TMPRSS13: variants seen among roughly 807,000 people sequenced by gnomAD.
The protein encoded by TMPRSS13 is transmembrane serine protease 13.
In TMPRSS13, 50 loss-of-function variants were observed where a neutral mutation model predicts 68.4. The observed-to-expected ratio is 0.73, with a 90% CI of 0.58 to 0.93. The LOEUF (loss-of-function observed/expected upper bound fraction) is 0.93, where lower values mean the gene tolerates loss of function less well. TMPRSS13 is among the 40% of genes least tolerant of loss of function. The probability of loss-of-function intolerance (pLI) is 0.00; values close to 1 mark genes in which losing one functional copy is unlikely to be tolerated. For synonymous variants in TMPRSS13, 267 were observed against 285.8 expected (o/e 0.93, Z 0.66); for missense variants, 615 against 729.2 (o/e 0.84, Z 1.80).
Position 117,922,983 on chromosome 11 carries a change from G to T in TMPRSS13, c.22-4145C>A, listed in dbSNP as rs545925017. Reference sequence around the variant, plus strand: ...AAGGCTTGTTCAGGGCCCTCCAGACGTGTTGGGGCAGGAAGGCAGGGCAGG... The same window carrying T: ...AAGGCTTGTTCAGGGCCCTCCAGACTTGTTGGGGCAGGAAGGCAGGGCAGG... On this transcript the variant is annotated intron_variant, in intron 1 of 12. Coordinates refer to ENST00000524993, the MANE Select transcript of TMPRSS13 (RefSeq NM_001077263.3). This position sits in a 1 kb window ranked among gnomAD's most constrained non-coding sequence, Gnocchi z 4.2. 6.6e-6 allele frequency among the ~76,000 whole-genome samples: 1 copy of T among 152,248 alleles called. No individual in the cohort carries two copies. The highest frequency in any genetic ancestry group is 1.5e-5 in the Non-Finnish European group (1 of 68,042).
chr11:117,907,228 G>T (rs1279138969), intron 9 of TMPRSS13, among the ~76,000 whole-genome samples: 2 of 152,148 alleles, frequency 1.3e-5, no homozygotes, highest in South Asian at 4.1e-4. Flanking sequence ...CTTGTGTGCT[G>T]AGCGGCAGGG....
At chr11:117,923,414 C>T (rs2057666954) in intron 1 of TMPRSS13, among the ~76,000 whole-genome samples, 1 of 142,000 alleles carries the variant, frequency 7.0e-6, no homozygotes, top group Non-Finnish European at 1.5e-5. Context: ...CTTCTGGGGG[C>T]CCAGCCAGTG....
chr11:117,924,467 T>G (rs893219083), intron 1 of TMPRSS13, among the ~76,000 whole-genome samples: 4 of 152,062 alleles, frequency 2.6e-5, no homozygotes, highest in African/African-American at 9.7e-5. Context: ...AGGGCGCCCA[T>G]AGGGTGGGCA....
intron 2 of TMPRSS13, 104 bp from the exon 3 acceptor site, chr11:117,917,378 A>G: frequency 1.3e-6 from 1 of 763,890 alleles, no homozygotes. Flanking sequence ...CCCCGTGAGG[A>G]CCACTCCACC....
Position 117,915,243 on chromosome 11 carries a change from C to G in TMPRSS13, c.557-729G>C, listed in dbSNP as rs2057565394. ...TCTCTAACAGCAATCTCTTTCCAAA[C>G]CAGGGGCTGTGGGCCCTCCTGCCTG... On this transcript the variant is annotated intron_variant, in intron 3 of 12. Transcript: ENST00000524993. The surrounding 1 kb of genome is among the most constrained non-coding windows in gnomAD (Gnocchi z 4.9). 6.6e-6 allele frequency among the ~76,000 whole-genome samples: 1 copy of G among 152,224 alleles called. No homozygotes were observed. Among genetic ancestry groups the G allele is most frequent in the African/African-American group, 2.4e-5 (1 of 41,446 alleles).
In TMPRSS13 at chr11:117,914,024, G is replaced by T; in HGVS notation, c.680-118C>A. The T allele has an allele frequency of 7.9e-7, 1 of 1,261,652 alleles. No individual in the cohort carries two copies. The highest frequency in any genetic ancestry group is 1.1e-6 in the Non-Finnish European group (1 of 916,996). 78.2% of individuals were successfully genotyped at this position (1,261,652 alleles called of 1,614,324 possible). On this transcript the variant is annotated intron_variant, in intron 4 of 12. Coordinates refer to ENST00000524993, the MANE Select transcript of TMPRSS13 (RefSeq NM_001077263.3). This position sits in a 1 kb window ranked among gnomAD's most constrained non-coding sequence, Gnocchi z 4.2. ...TTGTCCTGACAGCACTCCTTGCTGA[G>T]GCCTGGGAAAAGTCCAGGAACATGG...
chr11:117,925,000 G>A (rs1196312283), intron 1 of TMPRSS13, among the ~76,000 whole-genome samples: 1 of 152,178 alleles, frequency 6.6e-6, no homozygotes, highest in Non-Finnish European at 1.5e-5. Context: ...CTGCTCCTAG[G>A]CCGCCGTGTG....
intron 9 of TMPRSS13, among the ~76,000 whole-genome samples, chr11:117,906,607 T>C (rs184148697): frequency 5.3e-5 from 8 of 152,338 alleles, no homozygotes; most frequent in African/African-American, 1.7e-4. Context: ...TCTTCTCCCA[T>C]AAATTGGAAT....
In TMPRSS13 at chr11:117,915,567, G is replaced by C. The variant is rs983758406; in HGVS notation, c.557-1053C>G. ...CCCTGGAGTGCTCATGGAGCCCCAC[G>C]TGGATGTGTAGTGGAGAGGGTACTG... On this transcript the variant is annotated intron_variant, in intron 3 of 12. Coordinates refer to ENST00000524993, the MANE Select transcript of TMPRSS13 (RefSeq NM_001077263.3). This position sits in a 1 kb window ranked among gnomAD's most constrained non-coding sequence, Gnocchi z 4.9. Among the ~76,000 whole-genome samples the C allele has an allele frequency of 1.3e-5, 2 of 152,220 alleles. No homozygotes were observed. Among genetic ancestry groups the C allele is most frequent in the African/African-American group, 4.8e-5 (2 of 41,454 alleles).
chr11:117,917,568 A>G (rs747116349), intron 2 of TMPRSS13, among the ~76,000 whole-genome samples: 5 of 152,206 alleles, frequency 3.3e-5, no homozygotes, highest in South Asian at 2.1e-4. Flanking sequence ...CAGCAACCTC[A>G]TGAGCAGAGT....
chr11:117,908,523 A>C, intron 9 of TMPRSS13, 89 bp downstream of exon 9: 1 of 1,438,352 alleles, frequency 7.0e-7, no homozygotes, highest in Non-Finnish European at 9.5e-7. Flanking sequence ...TGGGGCCCGG[A>C]TATGAGTTGA....
chr11:117,924,073 G>A (rs2057674289), intron 1 of TMPRSS13, among the ~76,000 whole-genome samples: 1 of 151,812 alleles, frequency 6.6e-6, no homozygotes. Context: ...GCTGGGCGTG[G>A]TGGCGCCGGC....
In TMPRSS13 at chr11:117,909,928, C is replaced by T; in HGVS notation, c.987G>A (p.Gly329=). 2 of 1,614,170 alleles carry T rather than the reference C, an allele frequency of 1.2e-6. No individual in the cohort carries two copies. Among genetic ancestry groups the T allele is most frequent in the South Asian group, 1.1e-5 (1 of 91,084 alleles). ...GCCACTTGCTATCCGAGGCCAGCGC[C>T]CCTCCCACGATCCGCCCGGTCATGG... ...LRAMTGRIVG[G]ALASDSKWPW... Residue 329 remains glycine, a synonymous_variant, in exon 8 of 13, where the codon GGG becomes GGA. Transcript: ENST00000524993.
At position 117,915,400 on chromosome 11, in the gene TMPRSS13, T is replaced by C. The variant is rs1350816851; in HGVS notation, c.557-886A>G. ...CCACTGTGCTCTCCATCACCCAGGG[T>C]AAAGGCCGCCCGGGTGTGACTGCTC... On this transcript the variant is annotated intron_variant, in intron 3 of 12. Transcript: ENST00000524993. This position sits in a 1 kb window ranked among gnomAD's most constrained non-coding sequence, Gnocchi z 4.9. Among the ~76,000 whole-genome samples, 1 of 152,282 alleles carries C rather than the reference T, an allele frequency of 6.6e-6. No individual in the cohort carries two copies. Among genetic ancestry groups the C allele is most frequent in the East Asian group, 1.9e-4 (1 of 5,170 alleles).
chr11:117,903,976 C>A lies in TMPRSS13; in HGVS notation c.1507G>T (p.Gly503Cys). 1 of 1,612,414 alleles carries A rather than the reference C, an allele frequency of 6.2e-7. No homozygotes were observed. Among genetic ancestry groups the A allele is most frequent in the Non-Finnish European group, 8.5e-7 (1 of 1,179,306 alleles). Residue 503 changes from glycine (G) to cysteine (C), a missense_variant, in exon 11 of 13, where the codon GGC becomes TGC. Coordinates refer to ENST00000524993, the MANE Select transcript of TMPRSS13 (RefSeq NM_001077263.3). ...RMMCAGDLRG[G>C]RDSCQGDSGG... Reference sequence around the variant, plus strand: ...ACCCTCACCTGGCAGGAGTCTCTGCCCCCACGAAGGTCCCCAGCACACATC... The same window carrying A: ...ACCCTCACCTGGCAGGAGTCTCTGCACCCACGAAGGTCCCCAGCACACATC...
chr11:117,909,243 A>G (rs934235779), intron 8 of TMPRSS13, among the ~76,000 whole-genome samples: 2 of 152,202 alleles, frequency 1.3e-5, no homozygotes, highest in Non-Finnish European at 2.9e-5. Context: ...AGATCTCAGT[A>G]TTATTACCCT....
At chr11:117,902,897 G>C in intron 12 of TMPRSS13, 1 of 887,878 alleles carries the variant, frequency 1.1e-6, no homozygotes, top group Non-Finnish European at 1.4e-6. Flanking sequence ...GGTGGAAGTG[G>C]GAGAGGGGAC....
chr11:117,918,461 T>C lies in TMPRSS13; in HGVS notation c.399A>G (p.Arg133=). The change falls in exon 2 of 13, where the codon CGA becomes CGG. Residue 133 remains arginine (R), a synonymous_variant. Transcript: ENST00000524993. ...RATPVGAVPI[R]SSPARSAPAT... ...CTGGTGCTGACCTGGCAGGAGATGA[T>C]CGGATGGGTACAGCCCCCACTGGTG... The C allele has an allele frequency of 6.2e-7, 1 of 1,614,072 alleles. No individual in the cohort carries two copies. The highest frequency in any genetic ancestry group is 8.5e-7 in the Non-Finnish European group (1 of 1,180,006).
intron 7 of TMPRSS13, 127 bp downstream of exon 7, chr11:117,910,580 C>G (rs928802396): frequency 6.8e-6 from 6 of 887,570 alleles, no homozygotes; most frequent in Non-Finnish European, 1.0e-5. Flanking sequence ...CTGAAGCAGG[C>G]CTGCTGGCTA....
Sources: gnomAD v4.1 joint callset for allele counts (sites outside exome capture counted in the v4.1 genomes callset) on GRCh38, gnomAD v4.1.1 for gene constraint, Gnocchi (gnomAD v3.1) non-coding constraint, MANE v1.5 for transcripts, NCBI Gene and HGNC (gene_info 2026-07-23, HGNC 2026-07-21) for gene names.